The following ACTN3 variants were observed in gnomAD, a reference collection of about 807,000 sequenced individuals.
ACTN3 encodes alpha-actinin-3.
Under a neutral mutation model 119.6 loss-of-function variants are expected in ACTN3, and 91 were observed. The ratio of observed to expected loss-of-function variants is 0.76; its 90% CI spans 0.64 to 0.91. ACTN3 has a LOEUF of 0.91. Ranked by LOEUF, ACTN3 falls within the 40% of genes least tolerant of loss-of-function variation. ACTN3 has a pLI of 0.00. For missense variants in ACTN3, 1,221 were observed against 1,215.1 expected, an observed-to-expected ratio of 1.00 and a Z score of -0.07; for synonymous variants, 456 against 478.8, an observed-to-expected ratio of 0.95 and a Z score of 0.62.
chr11:66,556,903 G>A (rs562405719), intron 8 of ACTN3, among the ~76,000 whole-genome samples: 1 of 152,278 alleles, frequency 6.6e-6, no homozygotes, highest in Non-Finnish European at 1.5e-5. Flanking sequence ...TGAGACTACA[G>A]GCGCCCACCA....
chr11:66,554,553 G>A lies in ACTN3; in HGVS notation c.487G>A (p.Gly163Ser). ...ISVEETSAKE[G>S]LLLWCQRKTA... Reference sequence around the variant, plus strand: ...CGACCCAGAAACCTCAGCCAAGGAAGGCTTGCTTCTGTGGTGCCAGAGGAA... The same window carrying A: ...CGACCCAGAAACCTCAGCCAAGGAAAGCTTGCTTCTGTGGTGCCAGAGGAA... The change falls in exon 5 of 21, where the codon GGC becomes AGC. Residue 163 changes from glycine (G) to serine (S), a missense_variant. Physicochemically the swap from Gly to Ser is moderately conservative, Grantham distance 56. Transcript: ENST00000513398. The A allele has an allele frequency of 6.2e-7, 1 of 1,610,964 alleles. No homozygotes were observed. Among genetic ancestry groups the A allele is most frequent in the South Asian group, 1.1e-5 (1 of 90,546 alleles).
chr11:66,561,669 G>T, intron 17 of ACTN3, 32 bp downstream of exon 17: 1 of 1,592,208 alleles, frequency 6.3e-7, no homozygotes, highest in East Asian at 2.3e-5. Flanking sequence ...AGAGTGGGGA[G>T]GCAGCACTGG....
At chr11:66,546,737 C>T (rs762648695), upstream of ACTN3, 74 of 1,535,728 alleles carry the variant, frequency 4.8e-5, no homozygotes, top group Non-Finnish European at 6.4e-5. Flanking sequence ...AGATCCACCC[C>T]GGCGCCCCCG....
At position 66,559,993 on chromosome 11, in the gene ACTN3, T is replaced by A; in HGVS notation, c.1453T>A (p.Ser485Thr). 6.2e-7 allele frequency: 1 copy of A among 1,601,448 alleles called. No individual in the cohort carries two copies. Among genetic ancestry groups the A allele is most frequent in the Non-Finnish European group, 8.5e-7 (1 of 1,175,716 alleles). Reference sequence around the variant, plus strand: ...TGAGCTGGACTACCACGAGGCAGCCTCAGTGAATAGCCGCTGCCAGGCCAT... The same window carrying A: ...TGAGCTGGACTACCACGAGGCAGCCACAGTGAATAGCCGCTGCCAGGCCAT... ...LNELDYHEAA[S>T]VNSRCQAICD... is the part of the protein sequence containing the mutation. The change falls in exon 13 of 21, where the codon TCA becomes ACA. Residue 485 changes from serine to threonine, a missense_variant. Coordinates refer to ENST00000513398, the MANE Select transcript of ACTN3 (RefSeq NM_001104.4).
At chr11:66,548,909 A>G (rs1428779119) in intron 1 of ACTN3, among the ~76,000 whole-genome samples, 1 of 152,064 alleles carries the variant, frequency 6.6e-6, no homozygotes, top group Non-Finnish European at 1.5e-5. Context: ...CCCTGATCCC[A>G]GTGACTGCGT....
chr11:66,559,474 A>C, intron 12 of ACTN3, 88 bp downstream of exon 12: 1 of 1,265,602 alleles, frequency 7.9e-7, no homozygotes, highest in African/African-American at 1.7e-5. Flanking sequence ...TGCCCTTCTC[A>C]AGACACTAGG....
At chr11:66,550,941 T>C (rs1187104228) in intron 1 of ACTN3, 3 of 493,668 alleles carry the variant, frequency 6.1e-6, no homozygotes, top group Non-Finnish European at 1.2e-5. Flanking sequence ...GTTAACATTT[T>C]CTAAGGGCCC....
At chr11:66,556,861 C>T (rs1291182221) in intron 8 of ACTN3, among the ~76,000 whole-genome samples, 8 of 152,178 alleles carry the variant, frequency 5.3e-5, no homozygotes, top group African/African-American at 1.9e-4. Context: ...GCCAGGCTCA[C>T]GCCATTCTCC....
chr11:66,560,619 C>A lies in ACTN3; in HGVS notation c.1724C>A (p.Ala575Asp). ...CAGTTCAAGGCAACACTGCCCGAGG[C>A]TGACCGAGAGCGAGGTGCCATCATG... ...HDQFKATLPE[A>D]DRERGAIMGI... Residue 575 changes from alanine (A) to aspartate (D), a missense_variant, in exon 15 of 21, where the codon GCT becomes GAT. By Grantham distance (126) the Ala-to-Asp change is moderately radical. Coordinates refer to ENST00000513398, the MANE Select transcript of ACTN3 (RefSeq NM_001104.4). 1.2e-6 allele frequency: 2 copies of A among 1,613,702 alleles called. No homozygotes were observed. Among genetic ancestry groups the A allele is most frequent in the South Asian group, 1.1e-5 (1 of 91,086 alleles).
intron 9 of ACTN3, 136 bp from the exon 10 acceptor site, chr11:66,557,563 C>T (rs1857617927): frequency 1.1e-6 from 1 of 882,246 alleles, no homozygotes; most frequent in African/African-American, 1.7e-5. Context: ...TGGGGACTAC[C>T]CCATCCTGCT....
Position 66,560,731 on chromosome 11 carries a change from G to A in ACTN3, c.1836G>A (p.Gln612=), listed in dbSNP as rs370474512. ...STNPYITLSP[Q]DINTKWDMVR... is the part of the protein sequence containing the mutation. Reference sequence around the variant, plus strand: ...ATCCCTACATCACCCTCAGCCCGCAGGACATCAACACCAAGTGGGATATGG... The same window carrying A: ...ATCCCTACATCACCCTCAGCCCGCAAGACATCAACACCAAGTGGGATATGG... The change falls in exon 15 of 21, where the codon CAG becomes CAA. Residue 612 remains glutamine (Q), a synonymous_variant. Coordinates refer to ENST00000513398, the MANE Select transcript of ACTN3 (RefSeq NM_001104.4). The A allele has an allele frequency of 3.1e-6, 5 of 1,612,996 alleles. No homozygotes were observed. The African/African-American group carries it at 4.0e-5, about 13-fold the overall frequency.
At chr11:66,551,867 G>A (rs1013888238) in intron 3 of ACTN3, among the ~76,000 whole-genome samples, 2 of 152,002 alleles carry the variant, frequency 1.3e-5, no homozygotes, top group African/African-American at 4.8e-5. Context: ...CTTGAGGCTA[G>A]GAGTTTGAGA....
chr11:66,553,968 A>G (rs1857531942), intron 3 of ACTN3, 77 bp from the exon 4 acceptor site: 2 of 1,268,434 alleles, frequency 1.6e-6, no homozygotes, highest in Non-Finnish European at 1.1e-6. Context: ...GGCTGATCAG[A>G]GGGGAAGGTA....
chr11:66,546,889 G>C (rs777582163), upstream of ACTN3: 1 of 1,516,922 alleles, frequency 6.6e-7, no homozygotes, highest in Non-Finnish European at 8.8e-7. Flanking sequence ...AATGGGGCCC[G>C]GGTGTCCGAG....
At chr11:66,560,417 C>T (rs1469181595) in intron 14 of ACTN3, 106 bp downstream of exon 14, 3 of 1,492,450 alleles carry the variant, frequency 2.0e-6, no homozygotes, top group Non-Finnish European at 2.7e-6. Context: ...GGAGGAAAAC[C>T]CCAGTTCCCG....
At chr11:66,560,114 T>TGGGGGGGGGGGTGGGG in intron 13 of ACTN3, 38 bp downstream of exon 13, 2 of 586,218 alleles carry the variant, frequency 3.4e-6, no homozygotes, top group Non-Finnish European at 5.1e-6. Flanking sequence ...GGTGGGTAGG[T>TGGGGGGGGGGGTGGGG]GGGTGAGGCC....
At chr11:66,551,945 G>A (rs1369229300) in intron 3 of ACTN3, among the ~76,000 whole-genome samples, 1 of 151,962 alleles carries the variant, frequency 6.6e-6, no homozygotes, top group Non-Finnish European at 1.5e-5. Context: ...GTGTGGTGGC[G>A]CACACCTGTA....
rs373396941 is a variant in ACTN3 at position 66,554,526 on chromosome 11, C to T, written c.470-10C>T. ...TTCCCAATGAATCCTCCCACCTCCC[C>T]CCGACCCAGAAACCTCAGCCAAGGA... On this transcript the variant is annotated splice_polypyrimidine_tract_variant and intron_variant, in intron 4 of 20. Coordinates refer to ENST00000513398, the MANE Select transcript of ACTN3 (RefSeq NM_001104.4). The T allele has an allele frequency of 6.2e-7, 1 of 1,603,144 alleles. No individual in the cohort carries two copies. The highest frequency in any genetic ancestry group is 8.5e-7 in the Non-Finnish European group (1 of 1,174,120).
In ACTN3 at chr11:66,560,266, G is replaced by A. The variant is rs778664793; in HGVS notation, c.1632G>A (p.Glu544=). 8 of 1,613,192 alleles carry A rather than the reference G, an allele frequency of 5.0e-6. No individual in the cohort carries two copies. The highest frequency in any genetic ancestry group is 1.6e-4 in the Middle Eastern group (1 of 6,082). ...PFNNWLDGAV[E]DLQDVWLVHS... ...ACAACTGGCTGGATGGTGCCGTGGA[G>A]GACCTGCAGGACGTGTGGCTGGTAC... Residue 544 remains glutamate (E), a synonymous_variant, in exon 14 of 21, where the codon GAG becomes GAA. Transcript: ENST00000513398.
Sources: gnomAD v4.1 joint callset for allele counts (sites outside exome capture counted in the v4.1 genomes callset) on GRCh38, gnomAD v4.1.1 for gene constraint, MANE v1.5 for transcripts, NCBI Gene and HGNC (gene_info 2026-07-23, HGNC 2026-07-21) for gene names.